AFF2: variants seen among roughly 807,000 people sequenced by gnomAD.
The protein encoded by AFF2 is ALF transcription elongation factor 2, also known as AF4/FMR2 family member 2.
A neutral mutation model predicts 76.9 loss-of-function variants in AFF2; 14 were observed. The ratio of observed to expected loss-of-function variants is 0.18; its 90% CI spans 0.12 to 0.28. The LOEUF (loss-of-function observed/expected upper bound fraction) is 0.28. Among genes scored for constraint, AFF2 ranks in the 10% least tolerant of loss-of-function variants. The pLI is 1.00. For missense variants in AFF2, 868 were observed against 1,001.1 expected (o/e 0.87, Z 1.79); for synonymous variants, 398 against 366.7 (o/e 1.09, Z -0.98).
At chrX:148,830,063 T>A (rs1465925784) in intron 4 of AFF2, among the ~76,000 whole-genome samples, 2 of 112,283 alleles carry the variant, frequency 1.8e-5, no homozygotes, top group African/African-American at 6.5e-5. Context: ...ACCATTCAGA[T>A]AGCTGTCCCT....
chrX:148,634,558 A>T lies in AFF2; in HGVS notation c.48-17441A>T, dbSNP rs191658480. Among the ~76,000 whole-genome samples the T allele has an allele frequency of 1.1e-4, 12 of 112,035 alleles. No individual in the cohort carries two copies. The East Asian group carries it at 3.1e-3, about 29-fold the overall frequency. ...GGTTACTTTTGCTGAGTTTTACAGAATAATAATACCTTACATCTCTATGTA... is the reference window on the plus strand; with the variant it reads ...GGTTACTTTTGCTGAGTTTTACAGATTAATAATACCTTACATCTCTATGTA... On this transcript the variant is annotated intron_variant, in intron 1 of 20. Coordinates refer to ENST00000370460, the MANE Select transcript of AFF2 (RefSeq NM_002025.4).
At chrX:148,884,008 G>A (rs2071127844) in intron 7 of AFF2, among the ~76,000 whole-genome samples, 1 of 108,855 alleles carries the variant, frequency 9.2e-6, no homozygotes, top group Non-Finnish European at 1.9e-5. Flanking sequence ...CACACACACG[G>A]AAAGTAAAGC....
intron 3 of AFF2, among the ~76,000 whole-genome samples, chrX:148,684,123 G>A (rs1400355267): frequency 1.8e-5 from 2 of 112,003 alleles, no homozygotes; most frequent in Admixed American, 1.9e-4. Context: ...GTCGTCATTA[G>A]AGAAGAAGCT....
chrX:148,956,083 C>T lies in AFF2; in HGVS notation c.2038C>T (p.Pro680Ser), dbSNP rs1557287269. 1 of 1,210,746 alleles carries T rather than the reference C, an allele frequency of 8.3e-7. No homozygotes were observed. The highest frequency in any genetic ancestry group is 2.2e-5 in the Admixed American group (1 of 45,918). Residue 680 changes from proline to serine, a missense_variant, in exon 11 of 21, where the codon CCT (proline) becomes TCT (serine). Coordinates refer to ENST00000370460, the MANE Select transcript of AFF2 (RefSeq NM_002025.4). ...RNKATAHKPA[P>S]RKEPRPNIPL... ...CAAAGCCACTGCCCACAAACCAGCC[C>T]CTAGGAAAGAACCAAGACCTAACAT...
In AFF2 at chrX:148,662,756, C is replaced by T. The variant is rs1557258008; in HGVS notation, c.1029C>T (p.Leu343=). The change falls in exon 3 of 21, where the codon CTC becomes CTT. Residue 343 remains leucine, a synonymous_variant. Transcript: ENST00000370460. ...SKTKLPKFTI[L]QTSEVSLPSD... is the part of the protein sequence containing the mutation. ...CTAAACTGCCAAAGTTCACCATCCT[C>T]CAAACAAGTGAAGTAAGTAATTTTT... 12 of 1,206,340 alleles carry T rather than the reference C, an allele frequency of 9.9e-6. No individual in the cohort carries two copies. The highest frequency in any genetic ancestry group is 1.3e-5 in the Non-Finnish European group (12 of 892,911).
chrX:148,662,436 A>C lies in AFF2; in HGVS notation c.709A>C (p.Asn237His). The C allele has an allele frequency of 8.3e-7, 1 of 1,211,766 alleles. No homozygotes were observed. The highest frequency in any genetic ancestry group is 1.1e-6 in the Non-Finnish European group (1 of 895,416). ...TGCTTTCAAAGAAATCTTTCAATCC[A>C]ATTCACCGGAAGAATCTGAATTCGC... ...EDAFKEIFQSNSPEESEFAVQ... is the reference protein window; with the variant it reads ...EDAFKEIFQSHSPEESEFAVQ... Residue 237 changes from asparagine (N) to histidine (H), a missense_variant, in exon 3 of 21, where the codon AAT becomes CAT. Asn to His is a moderately conservative substitution (Grantham distance 68). Coordinates refer to ENST00000370460, the MANE Select transcript of AFF2 (RefSeq NM_002025.4).
intron 1 of AFF2, among the ~76,000 whole-genome samples, chrX:148,506,148 A>G (rs1472715142): frequency 9.0e-6 from 1 of 111,722 alleles, no homozygotes; most frequent in Non-Finnish European, 1.9e-5. Flanking sequence ...AGATGAAGCA[A>G]TGAAATCACA....
At chrX:148,576,321 A>G (rs140447029) in intron 1 of AFF2, among the ~76,000 whole-genome samples, 1,442 of 111,659 alleles carry the variant, frequency 0.013, 32 homozygotes, top group African/African-American at 0.043. Flanking sequence ...TTAAAATCAG[A>G]TCCTATCAGA....
Position 148,966,677 on chromosome X carries a change from C to CTT in AFF2, c.2914-99_2914-98dup, listed in dbSNP as rs111499310. On this transcript the variant is annotated intron_variant, in intron 13 of 20. Transcript: ENST00000370460. ...TCAAGCTGTGTGCATTGTTTTCTTTCTTTTTTTTTTTTTTTGCCTTCTTTC... is the reference window on the plus strand; with the variant it reads ...TCAAGCTGTGTGCATTGTTTTCTTTCTTTTTTTTTTTTTTTTTGCCTTCTTTC... 3,146 of 1,002,768 alleles carry CTT rather than the reference C, an allele frequency of 3.1e-3. 71 individuals are homozygous for CTT. The African/African-American group carries it at 0.057, about 18-fold the overall frequency. 82.6% of individuals were successfully genotyped at this position (1,002,768 alleles called of 1,213,427 possible).
chrX:148,716,795 C>T (rs2055029149), intron 3 of AFF2, among the ~76,000 whole-genome samples: 1 of 111,633 alleles, frequency 9.0e-6, no homozygotes, highest in African/African-American at 3.3e-5. Context: ...TTCTTTTTCT[C>T]ACAAATAGTT....
chrX:148,704,371 TATATATATTTATATATATGTGTAG>T lies in AFF2; in HGVS notation c.1041+41644_1041+41667del, dbSNP rs1569553737. On this transcript the variant is annotated intron_variant, in intron 3 of 20. Coordinates refer to ENST00000370460, the MANE Select transcript of AFF2 (RefSeq NM_002025.4). ...ATATATTTATATATATATGTGTGTA[TATATATATTTATATATATGTGTAG>T]ATATATATTTATATATATGTGTAGA... 4.4e-3 allele frequency among the ~76,000 whole-genome samples: 65 copies of T among 14,867 alleles called. 5 individuals carry two copies. Among genetic ancestry groups the T allele is most frequent in the East Asian group, 0.014 (1 of 72 alleles). 12.9% of individuals were successfully genotyped at this position (14,867 alleles called of 115,157 possible).
At chrX:148,648,923 T>G (rs1460498396) in intron 1 of AFF2, among the ~76,000 whole-genome samples, 1 of 112,116 alleles carries the variant, frequency 8.9e-6, no homozygotes, top group East Asian at 2.8e-4. Context: ...GCTTAACTTC[T>G]CAGTATGAAC....
chrX:148,854,214 T>C (rs782548337), intron 7 of AFF2, among the ~76,000 whole-genome samples: 5 of 111,828 alleles, frequency 4.5e-5, no homozygotes, highest in African/African-American at 1.6e-4. Context: ...TTGCATACAA[T>C]TGTCAGCGAC....
chrX:148,930,544 C>T (rs782009582), intron 9 of AFF2, among the ~76,000 whole-genome samples: 5 of 112,466 alleles, frequency 4.4e-5, no homozygotes, highest in Middle Eastern at 4.6e-3. Flanking sequence ...ATAGCCAGGG[C>T]CAATTAGCAA....
chrX:148,697,633 A>T (rs782483799), intron 3 of AFF2, among the ~76,000 whole-genome samples: 7 of 107,631 alleles, frequency 6.5e-5, no homozygotes, highest in Non-Finnish European at 1.1e-4. Flanking sequence ...AACAGGAGAC[A>T]TTTATCTAAT....
At chrX:148,827,989 G>A (rs2070408478) in intron 4 of AFF2, among the ~76,000 whole-genome samples, 1 of 107,715 alleles carries the variant, frequency 9.3e-6, no homozygotes, top group African/African-American at 3.3e-5. Flanking sequence ...ATGCTGTGAG[G>A]ATATAGCATG....
chrX:148,763,918 G>A (rs1464977423), intron 3 of AFF2, among the ~76,000 whole-genome samples: 2 of 112,300 alleles, frequency 1.8e-5, no homozygotes, highest in Non-Finnish European at 3.8e-5. Flanking sequence ...TTTCCTGGAA[G>A]CTAAGGGAGT....
In AFF2 at chrX:148,997,135, C is replaced by T. The variant is rs1442630228; in HGVS notation, c.*5803C>T. The T allele has an allele frequency of 1.8e-5, 2 of 112,110 alleles. No homozygotes were observed. The highest frequency in any genetic ancestry group is 3.8e-5 in the Non-Finnish European group (2 of 53,192). The allele number at this position is 112,110 out of a possible 1,213,427, so 9.2% of individuals were successfully genotyped here. Reference sequence around the variant, plus strand: ...ATCTACTTACTGTTTTAGCTCTGAACTCAAACCAGAATATCTCTGTATCAA... The same window carrying T: ...ATCTACTTACTGTTTTAGCTCTGAATTCAAACCAGAATATCTCTGTATCAA... On this transcript the variant is annotated 3_prime_UTR_variant, in exon 21 of 21. Transcript: ENST00000370460.
chrX:148,938,900 A>G (rs1173748799), intron 9 of AFF2, among the ~76,000 whole-genome samples: 3 of 112,011 alleles, frequency 2.7e-5, no homozygotes, highest in African/African-American at 9.7e-5. Context: ...TTGGAGAAAA[A>G]AAATCTTCTC....
Sources: gnomAD v4.1 joint callset for allele counts (sites outside exome capture counted in the v4.1 genomes callset) on GRCh38, gnomAD v4.1.1 for gene constraint, MANE v1.5 for transcripts, NCBI Gene and HGNC (gene_info 2026-07-23, HGNC 2026-07-21) for gene names.